The following PHACTR1 variants were observed in gnomAD, a reference collection of about 807,000 sequenced individuals.
PHACTR1 encodes phosphatase and actin regulator 1.
In PHACTR1, 16 loss-of-function variants were observed where a neutral mutation model predicts 69.2. The observed-to-expected ratio is 0.23, with a 90% CI of 0.16 to 0.35. The LOEUF (loss-of-function observed/expected upper bound fraction) is 0.35. PHACTR1 is among the 10% of genes least tolerant of loss of function. The probability of loss-of-function intolerance (pLI) is 1.00; values close to 1 mark genes in which losing one functional copy is unlikely to be tolerated. For missense variants in PHACTR1, 510 were observed against 734.7 expected (o/e 0.69, Z 3.54); for synonymous variants, 312 against 284.5 (o/e 1.10, Z -0.97).
chr6:12,896,025 T>C (rs1194905936), intron 4 of PHACTR1, among the ~76,000 whole-genome samples: 1 of 152,236 alleles, frequency 6.6e-6, no homozygotes, highest in African/African-American at 2.4e-5. Flanking sequence ...TTGTAGCTTC[T>C]CAGATCCAGT....
At chr6:12,995,551 G>C (rs1797327733) in intron 4 of PHACTR1, among the ~76,000 whole-genome samples, 1 of 151,764 alleles carries the variant, frequency 6.6e-6, no homozygotes, top group Non-Finnish European at 1.5e-5. Flanking sequence ...AAGGAAAATT[G>C]TTACTTAATG....
intron 12 of PHACTR1, 127 bp downstream of exon 12, chr6:13,278,456 A>G (rs1017854774): frequency 9.4e-6 from 7 of 744,866 alleles, no homozygotes; most frequent in African/African-American, 8.9e-5. Context: ...AGAGAGTGCC[A>G]CTCTCTTACT....
At chr6:13,070,748 A>G (rs1809376404) in intron 5 of PHACTR1, among the ~76,000 whole-genome samples, 1 of 152,156 alleles carries the variant, frequency 6.6e-6, no homozygotes. Context: ...GATTTTGGTC[A>G]CTAATTCTGG....
chr6:12,910,390 C>A (rs1786253566), intron 4 of PHACTR1, among the ~76,000 whole-genome samples: 1 of 152,094 alleles, frequency 6.6e-6, no homozygotes. Context: ...TAGGAGGATA[C>A]CAGGCCAATG....
intron 4 of PHACTR1, among the ~76,000 whole-genome samples, chr6:12,837,725 A>G (rs1778298954): frequency 6.6e-6 from 1 of 152,236 alleles, no homozygotes; most frequent in South Asian, 2.1e-4. Context: ...TAAAATGTGG[A>G]TAAAACCTTC....
chr6:12,800,029 G>C (rs1773514979), intron 4 of PHACTR1, among the ~76,000 whole-genome samples: 1 of 151,930 alleles, frequency 6.6e-6, no homozygotes, highest in Admixed American at 6.6e-5. Context: ...CCATTATATT[G>C]CTAAAAACAC....
intron 4 of PHACTR1, among the ~76,000 whole-genome samples, chr6:13,033,021 C>T (rs1234175581): frequency 2.0e-5 from 3 of 152,080 alleles, no homozygotes; most frequent in Non-Finnish European, 2.9e-5. Flanking sequence ...TTCTGAAAGT[C>T]GTAAAAATGA....
intron 4 of PHACTR1, among the ~76,000 whole-genome samples, chr6:12,889,445 G>T (rs1164235008): frequency 6.6e-6 from 1 of 152,196 alleles, no homozygotes; most frequent in Non-Finnish European, 1.5e-5. Flanking sequence ...AACTACAAAT[G>T]TAAAGAAAAC....
chr6:12,775,896 ATAAT>A (rs1385747604), intron 4 of PHACTR1, among the ~76,000 whole-genome samples: 1 of 152,156 alleles, frequency 6.6e-6, no homozygotes, highest in Non-Finnish European at 1.5e-5. Flanking sequence ...ATTAATAAAA[ATAAT>A]TACTTTATTT....
chr6:13,184,482 A>G (rs1762577872), intron 7 of PHACTR1, among the ~76,000 whole-genome samples: 1 of 152,330 alleles, frequency 6.6e-6, no homozygotes, highest in African/African-American at 2.4e-5. Context: ...ATCTTAGAGC[A>G]TGTGTAGGGT....
chr6:13,216,259 G>A (rs1767658860), intron 8 of PHACTR1, among the ~76,000 whole-genome samples: 1 of 152,156 alleles, frequency 6.6e-6, no homozygotes, highest in Non-Finnish European at 1.5e-5. Flanking sequence ...TTTTCTTCAT[G>A]TTGCCTCAAG....
At chr6:12,787,913 T>C (rs1771737055) in intron 4 of PHACTR1, among the ~76,000 whole-genome samples, 1 of 151,942 alleles carries the variant, frequency 6.6e-6, no homozygotes, top group Admixed American at 6.6e-5. Context: ...TCCCAGCACT[T>C]TGGGAGGATG....
chr6:13,270,866 C>T (rs1024598155), intron 10 of PHACTR1, among the ~76,000 whole-genome samples: 4 of 152,058 alleles, frequency 2.6e-5, no homozygotes, highest in African/African-American at 9.7e-5. Context: ...GGCAGCATGG[C>T]CCTGGCATTT....
chr6:13,181,803 G>A (rs1322738135), intron 6 of PHACTR1, among the ~76,000 whole-genome samples: 1 of 152,188 alleles, frequency 6.6e-6, no homozygotes, highest in Non-Finnish European at 1.5e-5. Context: ...CGTGTTGAAT[G>A]ACATGAAGCC....
At chr6:13,263,045 ATC>A (rs1159017600) in intron 10 of PHACTR1, among the ~76,000 whole-genome samples, 2 of 152,244 alleles carry the variant, frequency 1.3e-5, no homozygotes, top group Admixed American at 6.5e-5. Flanking sequence ...AGCACAACTA[ATC>A]TCTGTCAGCC....
intron 3 of PHACTR1, among the ~76,000 whole-genome samples, chr6:12,723,060 A>G (rs1447142667): frequency 6.6e-6 from 1 of 152,220 alleles, no homozygotes; most frequent in Non-Finnish European, 1.5e-5. Context: ...AAGAGAAGAC[A>G]TATTATAAAA....
chr6:12,959,375 T>C (rs1792388764), intron 4 of PHACTR1, among the ~76,000 whole-genome samples: 1 of 152,124 alleles, frequency 6.6e-6, no homozygotes, highest in African/African-American at 2.4e-5. Context: ...ATTTTTAGTC[T>C]TTTCTCTACT....
chr6:12,902,523 A>G (rs2127484207), intron 4 of PHACTR1, among the ~76,000 whole-genome samples: 1 of 152,266 alleles, frequency 6.6e-6, no homozygotes, highest in African/African-American at 2.4e-5. Context: ...AGGTTCTTCC[A>G]TTGGATGAAC....
intron 4 of PHACTR1, among the ~76,000 whole-genome samples, chr6:13,022,883 G>T (rs1437794975): frequency 6.6e-6 from 1 of 151,878 alleles, no homozygotes; most frequent in Non-Finnish European, 1.5e-5. Context: ...CAGGTGTGGT[G>T]GTGCATGCCT....
Sources: gnomAD v4.1 joint callset for allele counts (sites outside exome capture counted in the v4.1 genomes callset) on GRCh38, gnomAD v4.1.1 for gene constraint, MANE v1.5 for transcripts, NCBI Gene and HGNC (gene_info 2026-07-23, HGNC 2026-07-21) for gene names.